Variants in UNC79 observed in about 807,000 individuals in gnomAD.
UNC79 encodes the protein unc-79 subunit of NALCN channel complex.
A neutral mutation model predicts 283.1 loss-of-function variants in UNC79; 37 were observed. The ratio of observed to expected loss-of-function variants is 0.13; its 90% CI spans 0.10 to 0.17. UNC79 has a LOEUF of 0.17. Ranked by LOEUF, UNC79 falls within the 10% of genes least tolerant of loss-of-function variation. UNC79 has a pLI of 1.00. For missense variants in UNC79, 2,272 were observed against 3,211.1 expected, an observed-to-expected ratio of 0.71 and a Z score of 7.07; for synonymous variants, 1,107 against 1,200.2, an observed-to-expected ratio of 0.92 and a Z score of 1.61.
chr14:93,458,289 C>T (rs938442852), intron 1 of UNC79, among the ~76,000 whole-genome samples: 3 of 152,200 alleles, frequency 2.0e-5, no homozygotes, highest in Admixed American at 6.5e-5. Context: ...GAAAATGTTA[C>T]TTTAATTTCT....
chr14:93,473,534 A>G (rs2057636063), intron 2 of UNC79, among the ~76,000 whole-genome samples: 1 of 152,234 alleles, frequency 6.6e-6, no homozygotes, highest in South Asian at 2.1e-4. Flanking sequence ...CATAATATAC[A>G]TATAGACATT....
intron 14 of UNC79, among the ~76,000 whole-genome samples, chr14:93,546,343 G>A (rs999057986): frequency 6.6e-6 from 1 of 152,150 alleles, no homozygotes; most frequent in Non-Finnish European, 1.5e-5. Context: ...AAGGCAAGAG[G>A]GGGGTTGGCT....
chr14:93,339,230 T>C (rs1481098477), intron 1 of UNC79, among the ~76,000 whole-genome samples: 2 of 152,192 alleles, frequency 1.3e-5, no homozygotes, highest in African/African-American at 2.4e-5. Flanking sequence ...AACCCTTTAC[T>C]ATCAGCCCTC....
At chr14:93,619,350 A>T (rs549745720) in intron 29 of UNC79, among the ~76,000 whole-genome samples, 1 of 152,336 alleles carries the variant, frequency 6.6e-6, no homozygotes, top group Admixed American at 6.5e-5. Context: ...CCAAACCCTG[A>T]TGAACCTTTC....
chr14:93,587,116 A>G (rs1474744112), intron 22 of UNC79, among the ~76,000 whole-genome samples: 1 of 152,218 alleles, frequency 6.6e-6, no homozygotes, highest in Non-Finnish European at 1.5e-5. Context: ...TTTGCCTGAT[A>G]CTGAATAAAT....
chr14:93,444,546 A>G (rs1566939451), intron 1 of UNC79, among the ~76,000 whole-genome samples: 1 of 152,136 alleles, frequency 6.6e-6, no homozygotes, highest in Non-Finnish European at 1.5e-5. Context: ...TTCTTCTAGA[A>G]GTTTAATGGT....
At chr14:93,451,388 T>C (rs1941250210) in intron 1 of UNC79, among the ~76,000 whole-genome samples, 1 of 152,200 alleles carries the variant, frequency 6.6e-6, no homozygotes, top group South Asian at 2.1e-4. Flanking sequence ...AAAAGAGGCT[T>C]CTAGTCTCCA....
intron 1 of UNC79, among the ~76,000 whole-genome samples, chr14:93,393,184 A>G (rs545401442): frequency 1.4e-4 from 21 of 152,326 alleles, no homozygotes; most frequent in African/African-American, 4.8e-4. Context: ...ACCCACTTAC[A>G]CAATAACAGC....
chr14:93,500,175 C>T (rs2140666571), intron 7 of UNC79, among the ~76,000 whole-genome samples: 1 of 152,282 alleles, frequency 6.6e-6, no homozygotes, highest in African/African-American at 2.4e-5. Context: ...TCCCCGTGGC[C>T]ATTGCCCCGA....
At chr14:93,580,897 C>T (rs988283578) in intron 19 of UNC79, among the ~76,000 whole-genome samples, 7 of 151,118 alleles carry the variant, frequency 4.6e-5, no homozygotes, top group South Asian at 2.1e-4. Context: ...TTTGTGGAGA[C>T]GGGGTTTTGC....
At chr14:93,543,540 T>A (rs949291551) in intron 14 of UNC79, among the ~76,000 whole-genome samples, 52 of 152,038 alleles carry the variant, frequency 3.4e-4, no homozygotes, top group South Asian at 8.4e-4. Flanking sequence ...ATTAAAAAAA[T>A]TTTTTTGGTA....
chr14:93,659,708 T>C (rs768402881), intron 39 of UNC79, among the ~76,000 whole-genome samples: 2 of 152,216 alleles, frequency 1.3e-5, no homozygotes, highest in Non-Finnish European at 2.9e-5. Flanking sequence ...CCTATGCACT[T>C]TCAGAATCAG....
intron 1 of UNC79, among the ~76,000 whole-genome samples, chr14:93,464,116 T>G (rs929197375): frequency 6.6e-6 from 1 of 152,136 alleles, no homozygotes; most frequent in Non-Finnish European, 1.5e-5. Context: ...GCCACTGCAC[T>G]CCAGCCTGGG....
At chr14:93,415,166 T>A (rs1352076506) in intron 1 of UNC79, among the ~76,000 whole-genome samples, 5 of 152,156 alleles carry the variant, frequency 3.3e-5, no homozygotes, top group Admixed American at 2.0e-4. Context: ...TTTGTCATAG[T>A]TAGCTCTTAT....
chr14:93,538,049 C>T lies in UNC79; in HGVS notation c.1183C>T (p.Arg395Cys), dbSNP rs377687253. Residue 395 changes from arginine (R) to cysteine (C), a missense_variant, in exon 12 of 49, where the codon CGT (arginine) becomes TGT (cysteine). This residue lies in a region of UNC79 where 93 missense variants were observed against 237.8 expected (regional missense o/e 0.39). Transcript: ENST00000555664. ...CTGCTTCTCAGCAGGGTGCTGTGGT[C>T]GTCACGGAAACAGGCCTGTTCGGTA... The T allele has an allele frequency of 5.6e-6, 9 of 1,614,020 alleles. No individual in the cohort carries two copies. In the African/African-American group the frequency reaches 1.1e-4, roughly 19 times the overall value.
At chr14:93,599,243 T>C (rs77578815) in intron 24 of UNC79, among the ~76,000 whole-genome samples, 8,995 of 152,288 alleles carry the variant, frequency 0.059, 511 homozygotes, top group African/African-American at 0.15. Flanking sequence ...TCTCATTTTA[T>C]GGATAGAGAT....
chr14:93,452,273 G>A (rs985479238), intron 1 of UNC79, among the ~76,000 whole-genome samples: 4 of 151,856 alleles, frequency 2.6e-5, no homozygotes, highest in African/African-American at 9.7e-5. Flanking sequence ...CAGGGACTGT[G>A]GCTGTCTTGT....
exon 20 of UNC79, chr14:93,582,228 G>A (rs1273304232): frequency 1.9e-6 from 3 of 1,614,060 alleles, no homozygotes; most frequent in African/African-American, 1.3e-5. Flanking sequence ...CTGGAGGATA[G>A]CCTCCTTTCT....
intron 34 of UNC79, among the ~76,000 whole-genome samples, chr14:93,644,721 T>A (rs2069410089): frequency 6.6e-6 from 1 of 152,228 alleles, no homozygotes; most frequent in African/African-American, 2.4e-5. Context: ...TGCTAAAATT[T>A]AATCCTTTTT....
Sources: allele counts gnomAD v4.1 joint callset (sites outside exome capture counted in the v4.1 genomes callset), GRCh38; gene constraint gnomAD v4.1.1; regional missense constraint gnomAD v4.1.1; transcripts MANE v1.5; gene names NCBI Gene and HGNC (gene_info 2026-07-23, HGNC 2026-07-21).